REC114: variants seen among roughly 807,000 people sequenced by gnomAD.
The protein encoded by REC114 is meiotic recombination protein REC114.
REC114 carries 27 observed loss-of-function variants against 31.3 expected under a neutral mutation model. The ratio of observed to expected loss-of-function variants is 0.86; its 90% confidence interval spans 0.64 to 1.19. The LOEUF is 1.19. Among genes scored for constraint, REC114 ranks in the 50% most tolerant of loss-of-function variants. The pLI is 0.00. For synonymous variants in REC114, 134 were observed against 127.7 expected (o/e 1.05, Z -0.33); for missense variants, 344 against 326.9 (o/e 1.05, Z -0.40).
At position 73,443,333 on chromosome 15, in the gene REC114, C is replaced by A; in HGVS notation, c.148C>A (p.Pro50Thr). The change falls in exon 1 of 6, where the codon CCC becomes ACC. Residue 50 changes from proline to threonine, a missense_variant. By Grantham distance (38) the Pro-to-Thr change is conservative (BLOSUM62 -1). Coordinates refer to ENST00000331090, the MANE Select transcript of REC114 (RefSeq NM_001042367.2). ...CCTGGAAGCTGGGACAGCCCCCTGC[C>A]CCACATGGAAGGTGAGGCCCGAAGG... ...PCLEAGTAPCPTWKVFDSNEE... is the reference protein window; with the variant it reads ...PCLEAGTAPCTTWKVFDSNEE... 6.3e-7 allele frequency: 1 copy of A among 1,578,000 alleles called. No individual in the cohort carries two copies. Among genetic ancestry groups the A allele is most frequent in the Non-Finnish European group, 8.6e-7 (1 of 1,163,168 alleles).
At chr15:73,542,021 C>A (rs1455933235) in intron 3 of REC114, among the ~76,000 whole-genome samples, 1 of 150,636 alleles carries the variant, frequency 6.6e-6, no homozygotes, top group African/African-American at 2.4e-5. Flanking sequence ...AACCAGATTT[C>A]TTTTTTTTTC....
chr15:73,538,702 G>T (rs1006143525), intron 2 of REC114, among the ~76,000 whole-genome samples: 1 of 151,902 alleles, frequency 6.6e-6, no homozygotes, highest in Non-Finnish European at 1.5e-5. Context: ...TGATCCGCCT[G>T]CCTCGGCCTC....
intron 4 of REC114, among the ~76,000 whole-genome samples, chr15:73,554,273 A>G (rs376941498): frequency 5.3e-5 from 8 of 152,292 alleles, no homozygotes; most frequent in East Asian, 1.9e-4. Context: ...ATGGCAAAAC[A>G]TAAGGTTTGC....
intron 2 of REC114, chr15:73,483,187 T>C (rs1893318606): frequency 6.6e-6 from 1 of 152,468 alleles, no homozygotes; most frequent in African/African-American, 2.4e-5. Flanking sequence ...CAAAAAAATA[T>C]TTAACAGTTT....
At chr15:73,469,676 G>A (rs115689322) in intron 1 of REC114, among the ~76,000 whole-genome samples, 2,923 of 144,060 alleles carry the variant, frequency 0.02, 118 homozygotes, top group African/African-American at 0.071. Flanking sequence ...GCAAGCCTTA[G>A]ACTCTTTTTT....
intron 1 of REC114, among the ~76,000 whole-genome samples, chr15:73,460,425 C>A (rs1892974411): frequency 6.6e-6 from 1 of 152,126 alleles, no homozygotes; most frequent in Non-Finnish European, 1.5e-5. Flanking sequence ...AAGAGCTAGC[C>A]AATTAAGCTC....
intron 2 of REC114, among the ~76,000 whole-genome samples, chr15:73,485,084 T>G (rs1437646135): frequency 2.6e-5 from 4 of 152,192 alleles, no homozygotes; most frequent in African/African-American, 9.7e-5. Flanking sequence ...TTCATACCAT[T>G]AAACTATTTA....
At chr15:73,481,997 A>AAGT (rs1212763341) in intron 2 of REC114, among the ~76,000 whole-genome samples, 1 of 152,056 alleles carries the variant, frequency 6.6e-6, no homozygotes, top group East Asian at 1.9e-4. Flanking sequence ...CATTGACATT[A>AAGT]AGTACATTCC....
At chr15:73,520,043 A>T (rs1893914033) in intron 2 of REC114, among the ~76,000 whole-genome samples, 1 of 152,150 alleles carries the variant, frequency 6.6e-6, no homozygotes, top group Admixed American at 6.5e-5. Flanking sequence ...AGTTCTGGAG[A>T]TCTGTCGTAT....
chr15:73,557,887 A>G (rs781754320), intron 5 of REC114, among the ~76,000 whole-genome samples: 3 of 152,250 alleles, frequency 2.0e-5, no homozygotes, highest in Non-Finnish European at 4.4e-5. Flanking sequence ...TTAGCAGTAC[A>G]TATCAAATTT....
At chr15:73,449,827 A>C (rs1447238839) in intron 1 of REC114, among the ~76,000 whole-genome samples, 12 of 152,196 alleles carry the variant, frequency 7.9e-5, no homozygotes, top group Admixed American at 7.9e-4. Flanking sequence ...ATCCAGAAGA[A>C]AGTGAGGGCC....
intron 3 of REC114, among the ~76,000 whole-genome samples, chr15:73,550,239 A>T (rs941538231): frequency 5.3e-5 from 8 of 152,210 alleles, no homozygotes; most frequent in Non-Finnish European, 7.3e-5. Flanking sequence ...TTTTACACTT[A>T]GATGTTTTTA....
chr15:73,515,044 A>G (rs887242125), intron 2 of REC114, among the ~76,000 whole-genome samples: 1 of 150,808 alleles, frequency 6.6e-6, no homozygotes, highest in Non-Finnish European at 1.5e-5. Flanking sequence ...TACTCAAGTG[A>G]TCCTCCTGCC....
At chr15:73,500,519 T>C (rs1893589986) in intron 2 of REC114, among the ~76,000 whole-genome samples, 1 of 152,128 alleles carries the variant, frequency 6.6e-6, no homozygotes, top group East Asian at 1.9e-4. Flanking sequence ...GATGGAGGCA[T>C]TGTTCACTGG....
At chr15:73,520,209 ATC>A (rs1893916319) in intron 2 of REC114, among the ~76,000 whole-genome samples, 1 of 152,026 alleles carries the variant, frequency 6.6e-6, no homozygotes, top group South Asian at 2.1e-4. Context: ...GACTAATTGT[ATC>A]TCTTTTTTTT....
At position 73,463,608 on chromosome 15, in the gene REC114, G is replaced by A. The variant is rs554910834; in HGVS notation, c.160-10224G>A. ...GGCCCAGGTGGGTGAATCACTTGAGGTCAAGAATTTGAGACCAGCTTGGCC... is the reference window on the plus strand; with the variant it reads ...GGCCCAGGTGGGTGAATCACTTGAGATCAAGAATTTGAGACCAGCTTGGCC... On this transcript the variant is annotated intron_variant, in intron 1 of 5. Coordinates refer to ENST00000331090, the MANE Select transcript of REC114 (RefSeq NM_001042367.2). Among the ~76,000 whole-genome samples, 19 of 152,240 alleles carry A rather than the reference G, an allele frequency of 1.2e-4. No homozygotes were observed. In the South Asian group the frequency reaches 3.9e-3, roughly 32 times the overall value.
intron 1 of REC114, among the ~76,000 whole-genome samples, chr15:73,469,680 CTTTTTTT>C (rs767748185): frequency 8.4e-6 from 1 of 118,938 alleles, no homozygotes; most frequent in Non-Finnish European, 1.7e-5. Context: ...GCCTTAGACT[CTTTTTTT>C]TTTTTTTTTT....
intron 2 of REC114, among the ~76,000 whole-genome samples, chr15:73,489,477 A>T (rs923056483): frequency 9.2e-5 from 14 of 151,848 alleles, no homozygotes; most frequent in African/African-American, 3.1e-4. Flanking sequence ...AACTGTTGGG[A>T]TTACAGGCGT....
chr15:73,513,007 G>C (rs888420639), intron 2 of REC114, among the ~76,000 whole-genome samples: 17 of 151,304 alleles, frequency 1.1e-4, no homozygotes, highest in African/African-American at 4.1e-4. Context: ...GCTAGATTGG[G>C]GAAGTTCTCC....
Sources: allele counts gnomAD v4.1 joint callset (sites outside exome capture counted in the v4.1 genomes callset), GRCh38; gene constraint gnomAD v4.1.1; transcripts MANE v1.5; gene names NCBI Gene and HGNC (gene_info 2026-07-23, HGNC 2026-07-21).